ANK3: variants seen among roughly 807,000 people sequenced by gnomAD.
The protein encoded by ANK3 is ankyrin 3.
Under a neutral mutation model 370.9 loss-of-function variants are expected in ANK3, and 57 were observed. The ratio of observed to expected loss-of-function variants is 0.15; its 90% confidence interval spans 0.12 to 0.19. ANK3 has a LOEUF of 0.19. Ranked by LOEUF, ANK3 falls within the 10% of genes least tolerant of loss-of-function variation. The pLI, the probability that ANK3 is intolerant of heterozygous loss-of-function variation, is 1.00. For synonymous variants in ANK3, 1,929 were observed against 1,946.3 expected (o/e 0.99, Z 0.23); for missense variants, 4,439 against 5,302.1 (o/e 0.84, Z 5.06).
At chr10:60,351,455 C>T (rs2056854989) in intron 1 of ANK3, among the ~76,000 whole-genome samples, 1 of 152,134 alleles carries the variant, frequency 6.6e-6, no homozygotes, top group Admixed American at 6.5e-5. Flanking sequence ...ATAGAACTGC[C>T]AAGTCTAGAA....
At chr10:60,721,686 A>G (rs1275791687) in intron 1 of ANK3, among the ~76,000 whole-genome samples, 4 of 152,334 alleles carry the variant, frequency 2.6e-5, no homozygotes, top group Non-Finnish European at 5.9e-5. Context: ...ACTTGGGCAG[A>G]CAATGATTAC....
chr10:60,196,397 C>T (rs982254613), intron 15 of ANK3, 130 bp downstream of exon 15: 1 of 916,422 alleles, frequency 1.1e-6, no homozygotes, highest in Admixed American at 2.5e-5. Context: ...CTTTTATTTC[C>T]CAAGTGCTCT....
chr10:60,248,941 C>T (rs895120851), intron 7 of ANK3, among the ~76,000 whole-genome samples: 5 of 152,174 alleles, frequency 3.3e-5, no homozygotes, highest in Non-Finnish European at 7.3e-5. Flanking sequence ...TGCCGAGAAA[C>T]AATTTCCAGC....
intron 25 of ANK3, among the ~76,000 whole-genome samples, chr10:60,116,613 A>C (rs1026439966): frequency 6.6e-6 from 1 of 151,872 alleles, no homozygotes; most frequent in African/African-American, 2.4e-5. Flanking sequence ...AGAAACATTT[A>C]GGGAAAAATA....
At chr10:60,729,438 C>T (rs991534831) in intron 1 of ANK3, among the ~76,000 whole-genome samples, 8 of 152,102 alleles carry the variant, frequency 5.3e-5, no homozygotes, top group Admixed American at 5.2e-4. Flanking sequence ...AGGAAAATAG[C>T]CTTTCCAGTT....
At chr10:60,348,155 G>A (rs573890469) in intron 1 of ANK3, among the ~76,000 whole-genome samples, 1 of 151,960 alleles carries the variant, frequency 6.6e-6, no homozygotes, top group Non-Finnish European at 1.5e-5. Flanking sequence ...ATTCTTTAAA[G>A]GGCCAAAGGA....
At chr10:60,698,283 A>T (rs868402003) in intron 1 of ANK3, among the ~76,000 whole-genome samples, 59 of 149,822 alleles carry the variant, frequency 3.9e-4, no homozygotes, top group African/African-American at 9.4e-4. Context: ...GAGAAATAGG[A>T]ACACTTTTAC....
At chr10:60,519,782 C>T (rs540048373) in intron 2 of ANK3, among the ~76,000 whole-genome samples, 2 of 152,204 alleles carry the variant, frequency 1.3e-5, no homozygotes, top group African/African-American at 4.8e-5. Flanking sequence ...TTTTATTACA[C>T]CTGACCACAG....
intron 1 of ANK3, among the ~76,000 whole-genome samples, chr10:60,339,806 A>T (rs1266161000): frequency 1.3e-5 from 2 of 152,222 alleles, no homozygotes; most frequent in African/African-American, 4.8e-5. Context: ...CGGCAAGAAC[A>T]GCAGCAGTAG....
At chr10:60,652,420 T>C (rs768364003) in intron 1 of ANK3, among the ~76,000 whole-genome samples, 1 of 151,576 alleles carries the variant, frequency 6.6e-6, no homozygotes, top group Non-Finnish European at 1.5e-5. Flanking sequence ...CAACGAAAAC[T>C]ATACTACACT....
chr10:60,134,419 A>T, intron 24 of ANK3, 46 bp from the exon 25 acceptor site: 1 of 1,454,718 alleles, frequency 6.9e-7, no homozygotes, highest in South Asian at 1.2e-5. Flanking sequence ...GATGATGATG[A>T]GATGAATAAA....
intron 2 of ANK3, among the ~76,000 whole-genome samples, chr10:60,449,453 C>T (rs1223589759): frequency 1.3e-5 from 2 of 152,136 alleles, no homozygotes; most frequent in Non-Finnish European, 2.9e-5. Flanking sequence ...TAGCCAGTGG[C>T]TACTCAGTTG....
intron 1 of ANK3, among the ~76,000 whole-genome samples, chr10:60,338,147 G>A (rs1038106412): frequency 1.2e-4 from 19 of 152,242 alleles, no homozygotes; most frequent in Admixed American, 7.8e-4. Context: ...GCACTCTGAG[G>A]TTCAGTATAG....
intron 1 of ANK3, among the ~76,000 whole-genome samples, chr10:60,374,514 G>A (rs1022898112): frequency 3.3e-5 from 5 of 152,100 alleles, no homozygotes; most frequent in Admixed American, 3.3e-4. Flanking sequence ...GACAAAGTAG[G>A]GTATGCTCTG....
At chr10:60,091,883 A>C (rs2088599651) in intron 28 of ANK3, among the ~76,000 whole-genome samples, 1 of 152,040 alleles carries the variant, frequency 6.6e-6, no homozygotes, top group Non-Finnish European at 1.5e-5. Context: ...GGCATGCGCC[A>C]CCATGCCCAG....
intron 36 of ANK3, among the ~76,000 whole-genome samples, chr10:60,079,829 AAG>A (rs142963873): frequency 4.0e-5 from 6 of 151,186 alleles, no homozygotes; most frequent in Admixed American, 1.3e-4. Context: ...GGCAGACAGA[AAG>A]AGAGAGAGAG....
chr10:60,474,124 C>A (rs942629041), intron 2 of ANK3, among the ~76,000 whole-genome samples: 4 of 151,924 alleles, frequency 2.6e-5, no homozygotes, highest in Admixed American at 1.3e-4. Flanking sequence ...CAGAATGAGA[C>A]CCTATCTCTA....
chr10:60,197,735 T>C (rs535316166), intron 14 of ANK3, among the ~76,000 whole-genome samples: 1 of 152,336 alleles, frequency 6.6e-6, no homozygotes, highest in East Asian at 1.9e-4. Flanking sequence ...ACAAGCCAAT[T>C]CATCTTGCTA....
chr10:60,176,178 A>AC (rs1165174574), intron 18 of ANK3, among the ~76,000 whole-genome samples: 89 of 140,072 alleles, frequency 6.4e-4, no homozygotes, highest in African/African-American at 2.5e-3. Flanking sequence ...TGCTAAAAAT[A>AC]CAAAAAAAAA....
Sources: gnomAD v4.1 joint callset for allele counts (sites outside exome capture counted in the v4.1 genomes callset) on GRCh38, gnomAD v4.1.1 for gene constraint, MANE v1.5 for transcripts, NCBI Gene and HGNC (gene_info 2026-07-23, HGNC 2026-07-21) for gene names.